ADAMTSL3: variants seen among roughly 807,000 people sequenced by gnomAD.
The protein encoded by ADAMTSL3 is ADAMTS like 3.
ADAMTSL3 carries 128 observed loss-of-function variants against 201.7 expected under a neutral mutation model. The ratio of observed to expected loss-of-function variants is 0.63; its 90% CI spans 0.55 to 0.73. The LOEUF (loss-of-function observed/expected upper bound fraction) is 0.73, where lower values mean the gene tolerates loss of function less well. Ranked by LOEUF, ADAMTSL3 falls within the 30% of genes least tolerant of loss-of-function variation. ADAMTSL3 has a pLI of 0.00. For synonymous variants in ADAMTSL3, 738 were observed against 748.4 expected, an observed-to-expected ratio of 0.99 and a Z score of 0.23; for missense variants, 1,990 against 2,119.6, an observed-to-expected ratio of 0.94 and a Z score of 1.20.
At chr15:83,698,421 C>T (rs1017707761) in intron 2 of ADAMTSL3, among the ~76,000 whole-genome samples, 2 of 152,176 alleles carry the variant, frequency 1.3e-5, no homozygotes, top group African/African-American at 4.8e-5. Flanking sequence ...TGGATTCCTC[C>T]TGACCTTGTC....
intron 6 of ADAMTSL3, 126 bp downstream of exon 6, chr15:83,820,173 T>A (rs1401243940): frequency 1.3e-6 from 1 of 759,962 alleles, no homozygotes; most frequent in Non-Finnish European, 2.2e-6. Flanking sequence ...CCAGGTACGG[T>A]GGCTTACACC....
chr15:83,890,488 T>G (rs575610468), intron 11 of ADAMTSL3, among the ~76,000 whole-genome samples: 1 of 152,334 alleles, frequency 6.6e-6, no homozygotes, highest in African/African-American at 2.4e-5. Context: ...TAATGAACCC[T>G]TTTGAACAGC....
At chr15:83,713,082 A>G (rs943017282) in intron 3 of ADAMTSL3, among the ~76,000 whole-genome samples, 1 of 152,040 alleles carries the variant, frequency 6.6e-6, no homozygotes, top group Admixed American at 6.6e-5. Context: ...CTCTTCTATC[A>G]GTGTCATCCC....
rs145388431 is a variant in ADAMTSL3 at position 83,983,043 on chromosome 15, C to G, written c.3415C>G (p.Arg1139Gly). ...AKAQPTHMQW[R>G]GIQEETPPAA... ...GGCACAGCCAACACACATGCAGTGGCGGGGCATCCAGGAAGAGACACCTCC... is the reference window on the plus strand; with the variant it reads ...GGCACAGCCAACACACATGCAGTGGGGGGGCATCCAGGAAGAGACACCTCC... Residue 1139 changes from arginine to glycine, a missense_variant, in exon 21 of 30, where the codon CGG (arginine) becomes GGG (glycine). By Grantham distance (125) the Arg-to-Gly change is moderately radical. Coordinates refer to ENST00000286744, the MANE Select transcript of ADAMTSL3 (RefSeq NM_207517.3). The G allele has an allele frequency of 1.2e-6, 2 of 1,614,064 alleles. No homozygotes were observed. Among genetic ancestry groups the G allele is most frequent in the African/African-American group, 2.7e-5 (2 of 74,990 alleles).
chr15:83,717,165 G>C (rs760648711), intron 3 of ADAMTSL3, among the ~76,000 whole-genome samples: 7 of 152,176 alleles, frequency 4.6e-5, no homozygotes, highest in Non-Finnish European at 8.8e-5. Flanking sequence ...TAAAGGAGTA[G>C]TCATTCATTC....
chr15:83,913,528 TTTTC>T (rs952808685), intron 16 of ADAMTSL3, 150 bp downstream of exon 16: 1 of 889,810 alleles, frequency 1.1e-6, no homozygotes. Context: ...TTTTTCTTCT[TTTTC>T]TTTCTTTTTT....
chr15:84,021,752 G>C (rs1375721359), intron 26 of ADAMTSL3, among the ~76,000 whole-genome samples, 159 bp downstream of exon 26: 1 of 152,178 alleles, frequency 6.6e-6, no homozygotes, highest in Non-Finnish European at 1.5e-5. Flanking sequence ...ACAGTGTCCT[G>C]TGAGGTAGAT....
At chr15:84,010,064 T>G (rs1020394218) in intron 23 of ADAMTSL3, among the ~76,000 whole-genome samples, 1 of 152,262 alleles carries the variant, frequency 6.6e-6, no homozygotes, top group Non-Finnish European at 1.5e-5. Flanking sequence ...ATCCCTGAAT[T>G]GTAAAATGCT....
At chr15:83,958,734 G>A (rs549056948) in intron 19 of ADAMTSL3, among the ~76,000 whole-genome samples, 1 of 152,130 alleles carries the variant, frequency 6.6e-6, no homozygotes, top group East Asian at 1.9e-4. Context: ...AAAGAAAACT[G>A]TAGAAACAAA....
At chr15:83,889,280 T>C (rs780198762) in intron 10 of ADAMTSL3, among the ~76,000 whole-genome samples, 2 of 152,198 alleles carry the variant, frequency 1.3e-5, no homozygotes, top group Non-Finnish European at 2.9e-5. Context: ...GTATAGACAA[T>C]GCTTAATTCC....
chr15:83,739,920 C>T lies in ADAMTSL3; in HGVS notation c.190-33603C>T, dbSNP rs117087938. On this transcript the variant is annotated intron_variant, in intron 3 of 29. Transcript: ENST00000286744. Reference sequence around the variant, plus strand: ...GTGACAAGACCAGTGGGAGAGAAGACGCATCCTTCAACACCTTCTTCAGTG... The same window carrying T: ...GTGACAAGACCAGTGGGAGAGAAGATGCATCCTTCAACACCTTCTTCAGTG... 6.1e-3 allele frequency: 3,542 copies of T among 576,310 alleles called. 104 individuals are homozygous for T. Among genetic ancestry groups the T allele is most frequent in the Admixed American group, 0.05 (2,667 of 53,224 alleles). 35.7% of individuals were successfully genotyped at this position (576,310 alleles called of 1,614,324 possible).
At chr15:83,770,788 C>T (rs1175090960) in intron 3 of ADAMTSL3, among the ~76,000 whole-genome samples, 3 of 152,042 alleles carry the variant, frequency 2.0e-5, no homozygotes, top group Admixed American at 1.3e-4. Context: ...ACACAAAACA[C>T]GCCGGGCATG....
chr15:83,871,404 A>C (rs1314321031), intron 9 of ADAMTSL3, among the ~76,000 whole-genome samples: 1 of 152,178 alleles, frequency 6.6e-6, no homozygotes, highest in Non-Finnish European at 1.5e-5. Context: ...CGATGGTTAA[A>C]TGCACCATAT....
At chr15:83,968,936 A>C (rs1408763149) in intron 19 of ADAMTSL3, among the ~76,000 whole-genome samples, 1 of 152,170 alleles carries the variant, frequency 6.6e-6, no homozygotes, top group Non-Finnish European at 1.5e-5. Context: ...TCTCACTCTT[A>C]AGTGGGAGTT....
At chr15:83,969,011 G>A (rs1219549097) in intron 19 of ADAMTSL3, among the ~76,000 whole-genome samples, 1 of 152,106 alleles carries the variant, frequency 6.6e-6, no homozygotes, top group Non-Finnish European at 1.5e-5. Context: ...CAGGGGGTGG[G>A]GGGCTAGGGA....
At chr15:83,751,991 A>G (rs1169232298) in intron 3 of ADAMTSL3, among the ~76,000 whole-genome samples, 1 of 152,266 alleles carries the variant, frequency 6.6e-6, no homozygotes, top group Non-Finnish European at 1.5e-5. Context: ...CTAAAGAGGT[A>G]AAGAGAGAAT....
intron 7 of ADAMTSL3, among the ~76,000 whole-genome samples, chr15:83,842,744 C>G (rs1156681589): frequency 6.6e-6 from 1 of 152,172 alleles, no homozygotes; most frequent in Non-Finnish European, 1.5e-5. Flanking sequence ...TCAGTGAACA[C>G]AGTTTGAAGA....
chr15:83,966,090 A>G (rs1010631253), intron 19 of ADAMTSL3, among the ~76,000 whole-genome samples: 13 of 152,214 alleles, frequency 8.5e-5, no homozygotes, highest in Admixed American at 2.0e-4. Context: ...AGAAAAGTCT[A>G]AAATTGACAC....
intron 2 of ADAMTSL3, among the ~76,000 whole-genome samples, chr15:83,657,313 A>G (rs1403148811): frequency 1.3e-5 from 2 of 152,214 alleles, no homozygotes; most frequent in Non-Finnish European, 2.9e-5. Context: ...GCCCAGCTTG[A>G]ATCACTCACT....
Sources: allele counts gnomAD v4.1 joint callset (sites outside exome capture counted in the v4.1 genomes callset), GRCh38; gene constraint gnomAD v4.1.1; transcripts MANE v1.5; gene names NCBI Gene and HGNC (gene_info 2026-07-23, HGNC 2026-07-21).